The following ADTRP variants were observed in gnomAD, a reference collection of about 807,000 sequenced individuals.
The protein encoded by ADTRP is androgen-dependent TFPI-regulating protein.
In ADTRP, 20 loss-of-function variants were observed where a neutral mutation model predicts 27.0. The observed-to-expected ratio is 0.74, with a 90% CI of 0.52 to 1.08. The LOEUF (loss-of-function observed/expected upper bound fraction) is 1.08, where lower values mean the gene tolerates loss of function less well. Ranked by LOEUF, ADTRP falls within the 50% of genes least tolerant of loss-of-function variation. ADTRP has a pLI of 0.00. For synonymous variants in ADTRP, 101 were observed against 105.2 expected (o/e 0.96, Z 0.25); for missense variants, 251 against 275.0 (o/e 0.91, Z 0.62).
At position 11,731,716 on chromosome 6, in the gene ADTRP, G is replaced by A. The variant is rs368857814; in HGVS notation, c.506+3852C>T. ...CCTTCCACAGTGCCCTTCCCACACC[G>A]CTCAGCTGGATGCAAACTCTTCCTT... On this transcript the variant is annotated intron_variant, in intron 4 of 5. Coordinates refer to ENST00000414691, the MANE Select transcript of ADTRP (RefSeq NM_032744.4). Among the ~76,000 whole-genome samples, 35 of 151,812 alleles carry A rather than the reference G, an allele frequency of 2.3e-4. 1 individual carries two copies. In the East Asian group the frequency reaches 4.5e-3, roughly 19 times the overall value.
At chr6:11,724,781 C>G (rs946968317) in intron 4 of ADTRP, among the ~76,000 whole-genome samples, 3 of 152,164 alleles carry the variant, frequency 2.0e-5, no homozygotes, top group Non-Finnish European at 4.4e-5. Context: ...CAGCATACAC[C>G]TTCTAAGGCT....
intron 1 of ADTRP, among the ~76,000 whole-genome samples, chr6:11,774,713 A>G (rs948600495): frequency 3.3e-5 from 5 of 152,174 alleles, no homozygotes; most frequent in African/African-American, 1.2e-4. Flanking sequence ...ACAATGTTTC[A>G]GAAGGAAGCT....
chr6:11,738,952 T>C (rs1301036856), intron 3 of ADTRP, among the ~76,000 whole-genome samples: 1 of 152,130 alleles, frequency 6.6e-6, no homozygotes, highest in Admixed American at 6.6e-5. Flanking sequence ...CTAAACATGA[T>C]GCAATAAGCC....
intron 3 of ADTRP, among the ~76,000 whole-genome samples, chr6:11,764,392 GAGA>G (rs2113325446): frequency 6.6e-6 from 1 of 152,276 alleles, no homozygotes; most frequent in East Asian, 1.9e-4. Flanking sequence ...CACAAACCTT[GAGA>G]AGATGTTTGC....
intron 4 of ADTRP, 65 bp downstream of exon 4, chr6:11,735,503 T>G (rs990716250): frequency 3.3e-6 from 4 of 1,205,138 alleles, no homozygotes; most frequent in Middle Eastern, 1.9e-4. Flanking sequence ...CAGTACACAT[T>G]TCTGGAACTT....
At chr6:11,730,979 A>C (rs1762362139) in intron 4 of ADTRP, among the ~76,000 whole-genome samples, 1 of 152,238 alleles carries the variant, frequency 6.6e-6, no homozygotes, top group Non-Finnish European at 1.5e-5. Flanking sequence ...AGCAGTGGGC[A>C]TGGTGTGCTA....
intron 3 of ADTRP, among the ~76,000 whole-genome samples, chr6:11,760,124 G>A (rs1230901416): frequency 6.6e-6 from 1 of 152,180 alleles, no homozygotes; most frequent in East Asian, 1.9e-4. Flanking sequence ...GCATTAATTT[G>A]TAATAGCAAC....
At chr6:11,763,634 C>T (rs1763461855) in intron 3 of ADTRP, among the ~76,000 whole-genome samples, 1 of 152,204 alleles carries the variant, frequency 6.6e-6, no homozygotes, top group Non-Finnish European at 1.5e-5. Context: ...CATGGACAGG[C>T]ACTGGCAAAA....
chr6:11,724,314 G>A (rs189618121), intron 4 of ADTRP, among the ~76,000 whole-genome samples: 8 of 152,238 alleles, frequency 5.3e-5, no homozygotes, highest in Admixed American at 1.3e-4. Flanking sequence ...GAGATAGAGC[G>A]TTATTGCCCT....
In ADTRP at chr6:11,726,033, T is replaced by C. The variant is rs75644562; in HGVS notation, c.507-2533A>G. On this transcript the variant is annotated intron_variant, in intron 4 of 5. Transcript: ENST00000414691. ...GCCCACTGATAGATGAATGGATAAATAAAATGTGGCTTATACATAGGCATT... is the reference window on the plus strand; with the variant it reads ...GCCCACTGATAGATGAATGGATAAACAAAATGTGGCTTATACATAGGCATT... Among the ~76,000 whole-genome samples the C allele has an allele frequency of 1.2e-4, 18 of 151,738 alleles. No individual in the cohort carries two copies. The East Asian group carries it at 3.5e-3, about 29-fold the overall frequency.
intron 5 of ADTRP, among the ~76,000 whole-genome samples, chr6:11,714,799 G>T (rs1309905228): frequency 2.0e-5 from 3 of 152,196 alleles, no homozygotes; most frequent in Non-Finnish European, 4.4e-5. Context: ...GCATATTGCT[G>T]TGACTCTGAG....
intron 3 of ADTRP, among the ~76,000 whole-genome samples, chr6:11,737,309 C>T (rs1348317516): frequency 1.3e-5 from 2 of 152,130 alleles, no homozygotes; most frequent in African/African-American, 2.4e-5. Context: ...CCCACAGTCT[C>T]CACCTGCAAG....
chr6:11,766,989 A>G (rs1763594476), intron 2 of ADTRP, among the ~76,000 whole-genome samples: 2 of 152,226 alleles, frequency 1.3e-5, no homozygotes, highest in South Asian at 4.1e-4. Context: ...GTTAAAAACT[A>G]TTAAACTTCT....
chr6:11,728,143 A>G (rs1581318176), intron 4 of ADTRP, among the ~76,000 whole-genome samples: 1 of 152,080 alleles, frequency 6.6e-6, no homozygotes, highest in Admixed American at 6.5e-5. Context: ...ACATTTCACA[A>G]TCTTCCTTCA....
chr6:11,771,806 G>A (rs1431339100), intron 1 of ADTRP, among the ~76,000 whole-genome samples: 2 of 152,154 alleles, frequency 1.3e-5, no homozygotes, highest in Non-Finnish European at 2.9e-5. Flanking sequence ...AAAGGGAGAT[G>A]AGGACTACAG....
intron 1 of ADTRP, among the ~76,000 whole-genome samples, chr6:11,775,732 C>T (rs1763933842): frequency 6.6e-6 from 1 of 152,170 alleles, no homozygotes; most frequent in Admixed American, 6.5e-5. Context: ...GTCTGTCTCC[C>T]CTTCCAGTCC....
At chr6:11,728,320 T>G (rs1762281882) in intron 4 of ADTRP, 1 of 152,728 alleles carries the variant, frequency 6.5e-6, no homozygotes, top group African/African-American at 2.4e-5. Flanking sequence ...GGATCCCAGC[T>G]GCTTACCTGG....
At chr6:11,771,683 G>A (rs77703928) in intron 1 of ADTRP, among the ~76,000 whole-genome samples, 2,676 of 152,328 alleles carry the variant, frequency 0.018, 41 homozygotes, top group Non-Finnish European at 0.031. Flanking sequence ...AAATTCATAT[G>A]TCGAAATCCT....
chr6:11,741,740 A>T (rs1171406979), intron 3 of ADTRP, among the ~76,000 whole-genome samples: 1 of 149,102 alleles, frequency 6.7e-6, no homozygotes, highest in East Asian at 1.9e-4. Flanking sequence ...AAGATATGGG[A>T]TCTTAGGACC....
Sources: gnomAD v4.1 joint callset for allele counts (sites outside exome capture counted in the v4.1 genomes callset) on GRCh38, gnomAD v4.1.1 for gene constraint, MANE v1.5 for transcripts, NCBI Gene and HGNC (gene_info 2026-07-23, HGNC 2026-07-21) for gene names.